The following CYP2C19 variants were observed in gnomAD, a reference collection of about 807,000 sequenced individuals.
CYP2C19 encodes cytochrome P450 family 2 subfamily C member 19.
Under a neutral mutation model 40.9 loss-of-function variants are expected in CYP2C19, and 59 were observed. The ratio of observed to expected loss-of-function variants is 1.44; its 90% confidence interval spans 1.17 to 1.79. CYP2C19 has a LOEUF of 1.79. Among genes scored for constraint, CYP2C19 ranks in the 40% most tolerant of loss-of-function variants. The pLI is 0.00. For synonymous variants in CYP2C19, 253 were observed against 208.7 expected (o/e 1.21, Z -1.83); for missense variants, 754 against 596.9 (o/e 1.26, Z -2.74).
rs1848467886 is a variant in CYP2C19, at chr10:94,780,655, T to C, written c.638T>C (p.Ile213Thr). The change falls in exon 4 of 9, where the codon ATC (isoleucine) becomes ACC (threonine). Residue 213 changes from isoleucine (I) to threonine (T), a missense_variant. By Grantham distance (89) the Ile-to-Thr change is moderately conservative (BLOSUM62 -1). Coordinates refer to ENST00000371321, the MANE Select transcript of CYP2C19 (RefSeq NM_000769.4). Reference sequence around the variant, plus strand: ...ATCAGGATTGTAAGCACCCCCTGGATCCAGGTAAGGCCAAGTTTTTTGCTT... The same window carrying C: ...ATCAGGATTGTAAGCACCCCCTGGACCCAGGTAAGGCCAAGTTTTTTGCTT... The part of the protein sequence containing the change: ...ENIRIVSTPW[I>T]QICNNFPTII... The C allele has an allele frequency of 1.2e-6, 2 of 1,613,618 alleles. No individual in the cohort carries two copies. The highest frequency in any genetic ancestry group is 2.2e-5 in the East Asian group (1 of 44,860).
chr10:94,841,495 C>T (rs1849494430), intron 6 of CYP2C19, among the ~76,000 whole-genome samples: 1 of 152,172 alleles, frequency 6.6e-6, no homozygotes, highest in Admixed American at 6.5e-5. Context: ...GAAAACAGAG[C>T]TCCCATACAA....
chr10:94,815,857 C>T (rs183454195), intron 5 of CYP2C19, among the ~76,000 whole-genome samples: 1 of 152,110 alleles, frequency 6.6e-6, no homozygotes, highest in Non-Finnish European at 1.5e-5. Context: ...AATGAATCTG[C>T]AGGCAATATT....
intron 1 of CYP2C19, among the ~76,000 whole-genome samples, chr10:94,768,741 A>G (rs1336540329): frequency 1.3e-5 from 2 of 151,930 alleles, no homozygotes; most frequent in Non-Finnish European, 2.9e-5. Flanking sequence ...ACTTAGGTAT[A>G]CCACTGGTTG....
At chr10:94,818,788 G>A (rs955859672) in intron 5 of CYP2C19, among the ~76,000 whole-genome samples, 3 of 150,134 alleles carry the variant, frequency 2.0e-5, no homozygotes, top group Non-Finnish European at 4.4e-5. Context: ...AGGAGATTTT[G>A]GGCTGAGACG....
At chr10:94,767,054 C>T (rs536940679) in intron 1 of CYP2C19, among the ~76,000 whole-genome samples, 3 of 152,150 alleles carry the variant, frequency 2.0e-5, no homozygotes, top group African/African-American at 7.2e-5. Flanking sequence ...CCAAGTTGGC[C>T]GTTTCCTGAT....
At chr10:94,816,199 C>T (rs1024816978) in intron 5 of CYP2C19, among the ~76,000 whole-genome samples, 3 of 150,586 alleles carry the variant, frequency 2.0e-5, no homozygotes, top group Admixed American at 6.6e-5. Context: ...AAGTTTGGGC[C>T]AGTTGGTCTA....
chr10:94,839,739 A>G (rs1021188745), intron 6 of CYP2C19, among the ~76,000 whole-genome samples: 3 of 152,210 alleles, frequency 2.0e-5, no homozygotes, highest in African/African-American at 7.2e-5. Context: ...GAGTCTCTGT[A>G]TCAATTACTG....
Position 94,839,735 on chromosome 10 carries a change from C to T in CYP2C19, c.962-3102C>T, listed in dbSNP as rs571863771. The stretch of plus-strand genomic sequence containing the variant: ...TCTAAATCTGCTTCCACAAGAGTCT[C>T]TGTATCAATTACTGAATGTCCATTG... On this transcript the variant is annotated intron_variant, in intron 6 of 8. Transcript: ENST00000371321. Among the ~76,000 whole-genome samples, 40 of 152,340 alleles carry T rather than the reference C, an allele frequency of 2.6e-4. 2 individuals are homozygous for T. In the South Asian group the frequency reaches 7.7e-3, roughly 29 times the overall value.
intron 7 of CYP2C19, among the ~76,000 whole-genome samples, chr10:94,845,587 A>T (rs1222966832): frequency 2.6e-5 from 4 of 152,016 alleles, no homozygotes; most frequent in Admixed American, 2.6e-4. Flanking sequence ...CTTTCCCATA[A>T]TTTTTTTGTT....
chr10:94,804,178 G>C (rs1848802727), intron 5 of CYP2C19, among the ~76,000 whole-genome samples: 2 of 152,122 alleles, frequency 1.3e-5, no homozygotes, highest in Admixed American at 6.5e-5. Flanking sequence ...GGGAAAGGCT[G>C]AGGCACCAAG....
In CYP2C19 at chr10:94,839,341, C is replaced by T. The variant is rs114062708; in HGVS notation, c.962-3496C>T. On this transcript the variant is annotated intron_variant, in intron 6 of 8. Coordinates refer to ENST00000371321, the MANE Select transcript of CYP2C19 (RefSeq NM_000769.4). ...CTGTATAACCACCCATGGACCTCTG[C>T]TAATCGGATTACTTATGCTTACCGA... Among the ~76,000 whole-genome samples, 470 of 152,212 alleles carry T rather than the reference C, an allele frequency of 3.1e-3. 3 individuals are homozygous for T. The highest frequency in any genetic ancestry group is 0.011 in the African/African-American group (447 of 41,530).
In CYP2C19 at chr10:94,854,747, A is replaced by G. The variant is rs1363725287; in HGVS notation, c.*1833A>G. On this transcript the variant is annotated 3_prime_UTR_variant, in exon 9 of 9. Transcript: ENST00000371321. ...TTATTTACAATATTGGGCTCATATC[A>G]CACATCTTGTATTAAAACTTGCTAT... 6.6e-6 allele frequency among the ~76,000 whole-genome samples: 1 copy of G among 152,108 alleles called. No individual in the cohort carries two copies. Among genetic ancestry groups the G allele is most frequent in the Non-Finnish European group, 1.5e-5 (1 of 68,022 alleles).
chr10:94,805,014 A>C (rs1464198944), intron 5 of CYP2C19, among the ~76,000 whole-genome samples: 3 of 152,036 alleles, frequency 2.0e-5, no homozygotes, highest in African/African-American at 7.2e-5. Context: ...ACATGATCTG[A>C]ATTTTTCCTT....
chr10:94,829,746 T>G (rs1329533448), intron 6 of CYP2C19, among the ~76,000 whole-genome samples: 2 of 151,836 alleles, frequency 1.3e-5, no homozygotes, highest in African/African-American at 2.4e-5. Flanking sequence ...TTTTAGAGTT[T>G]CCAGTTTTTC....
intron 7 of CYP2C19, among the ~76,000 whole-genome samples, chr10:94,844,780 C>T (rs949379369): frequency 1.3e-5 from 2 of 152,146 alleles, no homozygotes; most frequent in East Asian, 1.9e-4. Context: ...AGAAGGCTTT[C>T]GCTTCTCAAA....
intron 5 of CYP2C19, among the ~76,000 whole-genome samples, chr10:94,803,813 G>A (rs548576497): frequency 2.8e-4 from 43 of 152,230 alleles, no homozygotes; most frequent in Non-Finnish European, 4.4e-4. Flanking sequence ...GCTCCCCTGC[G>A]GCCAGATCTC....
At chr10:94,796,991 C>G (rs537568244) in intron 5 of CYP2C19, among the ~76,000 whole-genome samples, 1 of 152,182 alleles carries the variant, frequency 6.6e-6, no homozygotes, top group Admixed American at 6.5e-5. Context: ...ATTTCTTTCT[C>G]CTACCTGATT....
At chr10:94,843,988 T>C (rs78609324) in intron 7 of CYP2C19, among the ~76,000 whole-genome samples, 7,246 of 152,272 alleles carry the variant, frequency 0.048, 232 homozygotes, top group South Asian at 0.11. Flanking sequence ...AGTATGCACA[T>C]AGAGATGAAT....
chr10:94,775,734 C>G, intron 3 of CYP2C19, 195 bp downstream of exon 3: 1 of 827,378 alleles, frequency 1.2e-6, no homozygotes, highest in East Asian at 2.6e-5. Context: ...CATGATTGTG[C>G]ATACAGTGTG....
Sources: allele counts gnomAD v4.1 joint callset (sites outside exome capture counted in the v4.1 genomes callset), GRCh38; gene constraint gnomAD v4.1.1; transcripts MANE v1.5; gene names NCBI Gene and HGNC (gene_info 2026-07-23, HGNC 2026-07-21).